Variants in PLCB1 observed in about 807,000 individuals in gnomAD.
PLCB1 encodes phospholipase C beta 1.
A neutral mutation model predicts 161.8 loss-of-function variants in PLCB1; 46 were observed. The ratio of observed to expected loss-of-function variants is 0.28; its 90% CI spans 0.22 to 0.36. The LOEUF is 0.36. Among genes scored for constraint, PLCB1 ranks in the 10% least tolerant of loss-of-function variants. The probability of loss-of-function intolerance (pLI) is 1.00; values close to 1 mark genes in which losing one functional copy is unlikely to be tolerated. For synonymous variants in PLCB1, 517 were observed against 503.7 expected (o/e 1.03, Z -0.35); for missense variants, 1,016 against 1,472.5 (o/e 0.69, Z 5.07).
At chr20:8,188,349 T>TAG (rs2051929119) in intron 2 of PLCB1, among the ~76,000 whole-genome samples, 1 of 152,050 alleles carries the variant, frequency 6.6e-6, no homozygotes. Context: ...ACAAAGGAAG[T>TAG]AGACACAGGG....
intron 31 of PLCB1, among the ~76,000 whole-genome samples, chr20:8,864,830 C>CT (rs573709631): frequency 3.9e-5 from 6 of 152,188 alleles, no homozygotes; most frequent in Non-Finnish European, 7.4e-5. Flanking sequence ...GTAAGGATGC[C>CT]TATGATGCAT....
chr20:8,257,325 A>G (rs952864137), intron 2 of PLCB1, among the ~76,000 whole-genome samples: 2 of 152,180 alleles, frequency 1.3e-5, no homozygotes, highest in African/African-American at 4.8e-5. Context: ...AAATTACAAA[A>G]TTAGAGAAAA....
intron 3 of PLCB1, among the ~76,000 whole-genome samples, chr20:8,588,815 C>A (rs975425633): frequency 2.0e-5 from 3 of 152,180 alleles, no homozygotes; most frequent in Admixed American, 2.0e-4. Context: ...ACTCATGTAG[C>A]TGATTTCATG....
At chr20:8,267,224 CCAGATCCCCTT>C (rs1286664261) in intron 2 of PLCB1, among the ~76,000 whole-genome samples, 1 of 10,978 alleles carries the variant, frequency 9.1e-5, no homozygotes, top group African/African-American at 9.8e-5. Context: ...TGGCTTTGTG[CCAGATCCCCTT>C]GGGCTGGTGA....
chr20:8,640,717 G>A (rs1296806327), intron 4 of PLCB1, among the ~76,000 whole-genome samples: 1 of 152,154 alleles, frequency 6.6e-6, no homozygotes, highest in Non-Finnish European at 1.5e-5. Context: ...GAGGAGGGAA[G>A]GGAGGAGGTC....
In PLCB1 at chr20:8,635,729, T is replaced by A. The variant is rs371189556; in HGVS notation, c.384+7298T>A. Among the ~76,000 whole-genome samples the A allele has an allele frequency of 4.6e-5, 7 of 152,342 alleles. No individual in the cohort carries two copies. The South Asian group carries it at 6.2e-4, about 14-fold the overall frequency. ...AAGATGTCACGGAGAGGGGAATTTC[T>A]TTTAAGCAAAAGAAATTATAGTCTA... is the stretch of plus-strand genomic sequence containing the variant. On this transcript the variant is annotated intron_variant, in intron 4 of 31. Coordinates refer to ENST00000338037, the MANE Select transcript of PLCB1 (RefSeq NM_015192.4).
chr20:8,367,242 G>C (rs1339318964), intron 2 of PLCB1, among the ~76,000 whole-genome samples: 1 of 152,140 alleles, frequency 6.6e-6, no homozygotes, highest in African/African-American at 2.4e-5. Context: ...GTAATGTATT[G>C]CTTTATCAAT....
At chr20:8,268,738 T>C (rs184845906) in intron 2 of PLCB1, among the ~76,000 whole-genome samples, 30 of 152,360 alleles carry the variant, frequency 2.0e-4, no homozygotes, top group African/African-American at 7.2e-4. Context: ...CATTTTTTCA[T>C]GTGTCTGTTG....
rs888084430 is a variant in PLCB1 at position 8,815,570 on chromosome 20, C to T, written c.3423+25309C>T. ...GGAGCTGACACTTTCATTTAGCCGA[C>T]GTGGAAAGAGGCCCAAGAGGTCCAC... On this transcript the variant is annotated intron_variant, in intron 31 of 31. Coordinates refer to ENST00000338037, the MANE Select transcript of PLCB1 (RefSeq NM_015192.4). 5.4e-5 allele frequency among the ~76,000 whole-genome samples: 8 copies of T among 147,932 alleles called. 1 individual carries two copies. Among genetic ancestry groups the T allele is most frequent in the African/African-American group, 1.1e-4 (4 of 37,522 alleles).
At chr20:8,767,054 T>C (rs1165205913) in intron 26 of PLCB1, among the ~76,000 whole-genome samples, 2 of 152,082 alleles carry the variant, frequency 1.3e-5, no homozygotes. Flanking sequence ...TGTATGTCTC[T>C]GCAATTCCCA....
chr20:8,446,874 A>G (rs988785426), intron 3 of PLCB1, among the ~76,000 whole-genome samples: 1 of 152,124 alleles, frequency 6.6e-6, no homozygotes, highest in African/African-American at 2.4e-5. Flanking sequence ...AATTCTATTA[A>G]GTCATCATGG....
intron 2 of PLCB1, among the ~76,000 whole-genome samples, chr20:8,185,011 A>G (rs904110633): frequency 6.6e-6 from 1 of 151,658 alleles, no homozygotes; most frequent in Non-Finnish European, 1.5e-5. Context: ...CTCACTGTTC[A>G]ACCCCCACTT....
chr20:8,680,587 G>A lies in PLCB1; in HGVS notation c.863-4345G>A, dbSNP rs1990187493. Reference sequence around the variant, plus strand: ...CCCTGGTTCACAGTTACAGTTCCCTGATTGCACAGTTATTTTATTGCTATG... The same window carrying A: ...CCCTGGTTCACAGTTACAGTTCCCTAATTGCACAGTTATTTTATTGCTATG... On this transcript the variant is annotated intron_variant, in intron 9 of 31. Coordinates refer to ENST00000338037, the MANE Select transcript of PLCB1 (RefSeq NM_015192.4). 2.0e-5 allele frequency among the ~76,000 whole-genome samples: 3 copies of A among 152,178 alleles called. No individual in the cohort carries two copies. The South Asian group carries it at 6.2e-4, about 31-fold the overall frequency.
intron 31 of PLCB1, among the ~76,000 whole-genome samples, chr20:8,837,888 G>A (rs7266822): frequency 0.01 from 1,558 of 152,262 alleles, 31 homozygotes; most frequent in African/African-American, 0.035. Context: ...GCACTCGACC[G>A]TCAAAGGCAA....
At chr20:8,395,478 A>T (rs1297326913) in intron 3 of PLCB1, among the ~76,000 whole-genome samples, 1 of 152,098 alleles carries the variant, frequency 6.6e-6, no homozygotes, top group Non-Finnish European at 1.5e-5. Context: ...AAGGAAAATT[A>T]AATTTTAAGT....
intron 3 of PLCB1, among the ~76,000 whole-genome samples, chr20:8,518,719 G>T (rs528659609): frequency 1.3e-5 from 2 of 151,992 alleles, no homozygotes; most frequent in Non-Finnish European, 2.9e-5. Flanking sequence ...AGGATGATTC[G>T]AGTGCATTAA....
chr20:8,882,230 G>A lies in PLCB1; in HGVS notation c.*381G>A, dbSNP rs765987244. 15 of 202,684 alleles carry A rather than the reference G, an allele frequency of 7.4e-5. No homozygotes were observed. The highest frequency in any genetic ancestry group is 1.4e-4 in the Non-Finnish European group (14 of 98,758). The allele number at this position is 202,684 out of a possible 1,614,324, so 12.6% of individuals were successfully genotyped here. ...AAAATATTTCAAAGTCATAGAAATA[G>A]TTTGAGAAATGCATAGCATTATTTA... On this transcript the variant is annotated 3_prime_UTR_variant, in exon 32 of 32. Coordinates refer to ENST00000338037, the MANE Select transcript of PLCB1 (RefSeq NM_015192.4).
At chr20:8,329,688 T>G (rs1274079338) in intron 2 of PLCB1, among the ~76,000 whole-genome samples, 2 of 152,182 alleles carry the variant, frequency 1.3e-5, no homozygotes, top group African/African-American at 4.8e-5. Flanking sequence ...AAAGCCTGAT[T>G]TCCAATGAAG....
At chr20:8,284,782 A>C (rs1983035849) in intron 2 of PLCB1, among the ~76,000 whole-genome samples, 1 of 152,030 alleles carries the variant, frequency 6.6e-6, no homozygotes, top group African/African-American at 2.4e-5. Context: ...CTTTGCCCTT[A>C]ATTCTTATTT....
Sources: allele counts gnomAD v4.1 joint callset (sites outside exome capture counted in the v4.1 genomes callset), GRCh38; gene constraint gnomAD v4.1.1; transcripts MANE v1.5; gene names NCBI Gene and HGNC (gene_info 2026-07-23, HGNC 2026-07-21).